BMERB1: variants seen among roughly 807,000 people sequenced by gnomAD.
BMERB1 encodes the protein bMERB domain containing 1, also known as bMERB domain-containing protein 1.
In BMERB1, 12 loss-of-function variants were observed where a neutral mutation model predicts 23.6. The observed-to-expected ratio is 0.51, with a 90% CI of 0.33 to 0.82. The LOEUF is 0.82. Ranked by LOEUF, BMERB1 falls within the 40% of genes least tolerant of loss-of-function variation. BMERB1 has a pLI of 0.03. For missense variants in BMERB1, 247 were observed against 255.4 expected (o/e 0.97, Z 0.22); for synonymous variants, 122 against 96.6 (o/e 1.26, Z -1.54).
intron 1 of BMERB1, among the ~76,000 whole-genome samples, chr16:15,458,026 C>T (rs889338976): frequency 1.3e-5 from 2 of 152,166 alleles, no homozygotes; most frequent in Non-Finnish European, 2.9e-5. Flanking sequence ...GGGAAAACCA[C>T]CTCCATGATC....
At chr16:15,455,963 C>G (rs1342922334) in intron 1 of BMERB1, among the ~76,000 whole-genome samples, 1 of 152,090 alleles carries the variant, frequency 6.6e-6, no homozygotes, top group Non-Finnish European at 1.5e-5. Flanking sequence ...TGACGTTTTC[C>G]TTTCTTTTCA....
At chr16:15,545,129 C>A (rs1233769915) in intron 2 of BMERB1, among the ~76,000 whole-genome samples, 6 of 152,082 alleles carry the variant, frequency 3.9e-5, no homozygotes, top group Non-Finnish European at 5.9e-5. Flanking sequence ...CCCGCCACCA[C>A]GCCTGACTAA....
intron 1 of BMERB1, among the ~76,000 whole-genome samples, chr16:15,464,360 G>T (rs1253723294): frequency 2.0e-5 from 3 of 149,310 alleles, no homozygotes; most frequent in African/African-American, 7.4e-5. Flanking sequence ...AGGTATGGTG[G>T]CTCATACCTC....
chr16:15,513,676 A>G (rs2051704743), intron 1 of BMERB1, among the ~76,000 whole-genome samples: 2 of 151,960 alleles, frequency 1.3e-5, no homozygotes, highest in Non-Finnish European at 2.9e-5. Context: ...CGGGTGGGTC[A>G]TGAGGTCAGG....
chr16:15,532,905 T>C (rs767840953), intron 2 of BMERB1: 6 of 430,334 alleles, frequency 1.4e-5, no homozygotes, highest in Non-Finnish European at 2.3e-5. Context: ...TTCTGATAAA[T>C]AGACCTCGTG....
intron 2 of BMERB1, among the ~76,000 whole-genome samples, chr16:15,553,710 G>A (rs1015106547): frequency 1.3e-5 from 2 of 152,116 alleles, no homozygotes; most frequent in African/African-American, 2.4e-5. Flanking sequence ...TTCTTAGTTC[G>A]TGAGTTGTAC....
At chr16:15,436,633 TATTC>T (rs2050890755) in intron 1 of BMERB1, among the ~76,000 whole-genome samples, 1 of 152,102 alleles carries the variant, frequency 6.6e-6, no homozygotes. Flanking sequence ...TACTAGATCT[TATTC>T]ATTCTATCTA....
intron 5 of BMERB1, 41 bp downstream of exon 5, chr16:15,583,279 G>GA (rs781222595): frequency 1.3e-6 from 2 of 1,494,126 alleles, no homozygotes; most frequent in Admixed American, 3.3e-5. Flanking sequence ...CCACAAAAGA[G>GA]AAAAGTATAT....
At chr16:15,502,947 A>G (rs1331671310) in intron 1 of BMERB1, among the ~76,000 whole-genome samples, 1 of 152,148 alleles carries the variant, frequency 6.6e-6, no homozygotes, top group Non-Finnish European at 1.5e-5. Context: ...CTTTCAGGGA[A>G]AGGCACTGTG....
At position 15,495,030 on chromosome 16, in the gene BMERB1, T is replaced by G. The variant is rs550481583; in HGVS notation, c.107-20275T>G. Among the ~76,000 whole-genome samples, 3 of 151,394 alleles carry G rather than the reference T, an allele frequency of 2.0e-5. No homozygotes were observed. In the South Asian group the frequency reaches 6.3e-4, roughly 32 times the overall value. On this transcript the variant is annotated intron_variant, in intron 1 of 5. Coordinates refer to ENST00000300006, the MANE Select transcript of BMERB1 (RefSeq NM_033201.3). ...TCCAGAGTAGCTGGGATTACAGGCA[T>G]GCGCCACCACCCCTGGCTAATTTTT... is the stretch of plus-strand genomic sequence containing the variant.
At chr16:15,580,413 C>G (rs945307003) in intron 3 of BMERB1, among the ~76,000 whole-genome samples, 1 of 152,110 alleles carries the variant, frequency 6.6e-6, no homozygotes, top group African/African-American at 2.4e-5. Flanking sequence ...CCATTACTCC[C>G]ATTTTAAGCC....
intron 1 of BMERB1, among the ~76,000 whole-genome samples, chr16:15,481,762 C>G (rs1258468874): frequency 1.3e-5 from 2 of 150,830 alleles, no homozygotes; most frequent in Non-Finnish European, 2.9e-5. Context: ...CTCTCTGTCC[C>G]TCAGGCTGGA....
intron 2 of BMERB1, among the ~76,000 whole-genome samples, chr16:15,518,662 C>G (rs78372514): frequency 2.0e-5 from 3 of 152,080 alleles, no homozygotes; most frequent in African/African-American, 4.8e-5. Flanking sequence ...GTGTCCTGTT[C>G]TTATCTCCAT....
intron 3 of BMERB1, among the ~76,000 whole-genome samples, chr16:15,574,622 AAGCAG>A (rs371305521): frequency 2.6e-5 from 4 of 152,052 alleles, no homozygotes; most frequent in African/African-American, 2.4e-5. Context: ...AATTTCAGTC[AAGCAG>A]AAGTTACAGG....
At chr16:15,444,138 T>TTTTTGTTTTTGTTTTTTTTTTTTG (rs1567447928) in intron 1 of BMERB1, among the ~76,000 whole-genome samples, 1 of 131,636 alleles carries the variant, frequency 7.6e-6, no homozygotes, top group African/African-American at 2.9e-5. Context: ...TTTTTTTTTT[T>TTTTTGTTTTTGTTTTTTTTTTTTG]TTTTTTTTTT....
At chr16:15,443,445 G>A (rs1454727920) in intron 1 of BMERB1, among the ~76,000 whole-genome samples, 1 of 151,830 alleles carries the variant, frequency 6.6e-6, no homozygotes, top group Non-Finnish European at 1.5e-5. Context: ...AGGCTGAGGT[G>A]AGAGAATCGC....
At chr16:15,537,012 A>G (rs1015189135) in intron 2 of BMERB1, 1 of 152,194 alleles carries the variant, frequency 6.6e-6, no homozygotes, top group Non-Finnish European at 1.5e-5. Context: ...CCTGTAGCCT[A>G]GGATCGTGAT....
At chr16:15,489,206 G>A (rs1213982138) in intron 1 of BMERB1, among the ~76,000 whole-genome samples, 1 of 152,194 alleles carries the variant, frequency 6.6e-6, no homozygotes, top group Non-Finnish European at 1.5e-5. Flanking sequence ...AGTCCTGGGA[G>A]CGGTGGTGCC....
At chr16:15,468,137 T>TCTTC (rs143463556) in intron 1 of BMERB1, among the ~76,000 whole-genome samples, 2 of 58,600 alleles carry the variant, frequency 3.4e-5, no homozygotes, top group Admixed American at 4.8e-4. Context: ...TTCTTCTTCT[T>TCTTC]TTTTTTTTTT....
Sources: allele counts gnomAD v4.1 joint callset (sites outside exome capture counted in the v4.1 genomes callset), GRCh38; gene constraint gnomAD v4.1.1; transcripts MANE v1.5; gene names NCBI Gene and HGNC (gene_info 2026-07-23, HGNC 2026-07-21).